The following MLXIP variants were observed in gnomAD, a reference collection of about 807,000 sequenced individuals.
The protein encoded by MLXIP is MLX-interacting protein.
MLXIP carries 30 observed loss-of-function variants against 87.2 expected under a neutral mutation model. The observed-to-expected ratio is 0.34, with a 90% CI of 0.26 to 0.47. The LOEUF (loss-of-function observed/expected upper bound fraction) is 0.47. Ranked by LOEUF, MLXIP falls within the 20% of genes least tolerant of loss-of-function variation. MLXIP has a pLI of 1.00. For synonymous variants in MLXIP, 530 were observed against 514.0 expected (o/e 1.03, Z -0.42); for missense variants, 1,002 against 1,240.1 (o/e 0.81, Z 2.88).
intron 1 of MLXIP, among the ~76,000 whole-genome samples, chr12:122,093,535 G>A (rs1213000615): frequency 1.4e-5 from 2 of 144,002 alleles, no homozygotes; most frequent in Non-Finnish European, 3.0e-5. Context: ...TGTGTGTGTT[G>A]GTTTGGGGGG....
intron 7 of MLXIP, 41 bp downstream of exon 7, chr12:122,130,974 C>A: frequency 7.7e-7 from 1 of 1,298,514 alleles, no homozygotes; most frequent in Non-Finnish European, 1.1e-6. Flanking sequence ...GCCTCCATCT[C>A]CCCCAGCCCA....
intron 1 of MLXIP, among the ~76,000 whole-genome samples, chr12:122,116,033 A>G (rs1016668969): frequency 2.0e-5 from 3 of 147,346 alleles, no homozygotes; most frequent in Non-Finnish European, 4.4e-5. Context: ...CCTGGGTGAC[A>G]GAGCGAGACT....
At chr12:122,108,024 G>A (rs1355355522) in intron 1 of MLXIP, among the ~76,000 whole-genome samples, 3 of 152,132 alleles carry the variant, frequency 2.0e-5, no homozygotes, top group Admixed American at 6.5e-5. Flanking sequence ...CCTGCGAAGG[G>A]CAGCCTGGCC....
In MLXIP at chr12:122,109,618, G is replaced by C. The variant is rs530337335; in HGVS notation, c.414-17638G>C. Among the ~76,000 whole-genome samples, 15 of 152,332 alleles carry C rather than the reference G, an allele frequency of 9.8e-5. No individual in the cohort carries two copies. In the East Asian group the frequency reaches 2.9e-3, roughly 29 times the overall value. ...GATGGGTTGGCTGAGGAGATTTGCA[G>C]CATGTCTGAAATACAAAAACTGTTT... On this transcript the variant is annotated intron_variant, in intron 1 of 16. Transcript: ENST00000319080.
chr12:122,097,255 C>G (rs765267041), intron 1 of MLXIP, among the ~76,000 whole-genome samples: 2 of 152,058 alleles, frequency 1.3e-5, no homozygotes, highest in Non-Finnish European at 2.9e-5. Flanking sequence ...AGCGTTGAAC[C>G]CCTGTGCTTA....
In MLXIP at chr12:122,133,736, A is replaced by C; in HGVS notation, c.1481A>C (p.His494Pro). The C allele has an allele frequency of 6.2e-7, 1 of 1,613,194 alleles. No homozygotes were observed. The highest frequency in any genetic ancestry group is 8.5e-7 in the Non-Finnish European group (1 of 1,179,746). The change falls in exon 9 of 17, where the codon CAC (histidine) becomes CCC (proline). Residue 494 changes from histidine to proline, a missense_variant. Physicochemically the swap from His to Pro is moderately conservative, Grantham distance 77 (BLOSUM62 -2). Transcript: ENST00000319080. This position sits in a 1 kb window ranked among gnomAD's most constrained non-coding sequence, Gnocchi z 4.9. The part of the protein sequence containing the change: ...ITHTASATLT[H>P]DAPATTFSQS... ...CACACGGCCTCTGCCACCCTCACCC[A>C]CGATGCCCCCGCCACCACCTTTAGC...
At chr12:122,128,785 C>A in intron 3 of MLXIP, 1 of 224,226 alleles carries the variant, frequency 4.5e-6, no homozygotes, top group Non-Finnish European at 8.9e-6. Flanking sequence ...GTGGCAGAGG[C>A]TGTGGGGAAG....
In MLXIP at chr12:122,133,131, A is replaced by C; in HGVS notation, c.1093-217A>C. On this transcript the variant is annotated intron_variant, in intron 8 of 16. Coordinates refer to ENST00000319080, the MANE Select transcript of MLXIP (RefSeq NM_014938.6). The surrounding 1 kb of genome is among the most constrained non-coding windows in gnomAD (Gnocchi z 4.9). ...TGTGTGAGGGCCGTTGCCTTATCTGAGCTCTGAGTTATTTAGTTTTTAATG... is the reference window on the plus strand; with the variant it reads ...TGTGTGAGGGCCGTTGCCTTATCTGCGCTCTGAGTTATTTAGTTTTTAATG... The C allele has an allele frequency of 2.1e-6, 1 of 485,990 alleles. No individual in the cohort carries two copies. Among genetic ancestry groups the C allele is most frequent in the Non-Finnish European group, 3.5e-6 (1 of 284,194 alleles). The allele number at this position is 485,990 out of a possible 1,614,324, so 30.1% of individuals were successfully genotyped here.
intron 1 of MLXIP, among the ~76,000 whole-genome samples, chr12:122,099,788 T>C (rs956084807): frequency 4.6e-5 from 7 of 152,148 alleles, no homozygotes; most frequent in African/African-American, 7.2e-5. Flanking sequence ...CCAAATATAT[T>C]TGTGGAAATC....
At chr12:122,130,800 T>C in intron 6 of MLXIP, 44 bp from the exon 7 acceptor site, 1 of 1,404,308 alleles carries the variant, frequency 7.1e-7, no homozygotes. Flanking sequence ...CCTGCAACAT[T>C]GTCTGAGAAG....
chr12:122,139,590 G>A (rs775005606), intron 15 of MLXIP, among the ~76,000 whole-genome samples: 2 of 152,238 alleles, frequency 1.3e-5, no homozygotes, highest in African/African-American at 2.4e-5. Context: ...CGGTCGTGCA[G>A]GAGGAGAGAA....
chr12:122,132,628 A>T, intron 8 of MLXIP: 1 of 502,050 alleles, frequency 2.0e-6, no homozygotes. Flanking sequence ...CAGGTAACCT[A>T]TGTGCAGCTA....
At chr12:122,096,540 TC>T (rs570243336) in intron 1 of MLXIP, among the ~76,000 whole-genome samples, 48 of 152,324 alleles carry the variant, frequency 3.2e-4, no homozygotes, top group South Asian at 2.1e-3. Context: ...TGTCCCACTG[TC>T]CCACCCTCCC....
At chr12:122,095,126 G>C (rs1319775517) in intron 1 of MLXIP, among the ~76,000 whole-genome samples, 2 of 148,138 alleles carry the variant, frequency 1.4e-5, no homozygotes, top group African/African-American at 5.0e-5. Flanking sequence ...GTGGGGTGTG[G>C]GTATGTGTGT....
Position 122,137,607 on chromosome 12 carries a change from C to G in MLXIP, c.2154+17C>G, listed in dbSNP as rs747349417. 4 of 1,612,362 alleles carry G rather than the reference C, an allele frequency of 2.5e-6. No individual in the cohort carries two copies. Among genetic ancestry groups the G allele is most frequent in the Non-Finnish European group, 2.5e-6 (3 of 1,178,982 alleles). On this transcript the variant is annotated intron_variant, in intron 12 of 16. Coordinates refer to ENST00000319080, the MANE Select transcript of MLXIP (RefSeq NM_014938.6). This position sits in a 1 kb window ranked among gnomAD's most constrained non-coding sequence, Gnocchi z 4.1. ...GCACTAAAGGTACCGCATGTCTCCT[C>G]TTGGTTCCCTTGGGAGGAGGGGAGA...
intron 1 of MLXIP, among the ~76,000 whole-genome samples, chr12:122,108,602 C>A (rs1952558193): frequency 6.6e-6 from 1 of 152,112 alleles, no homozygotes; most frequent in African/African-American, 2.4e-5. Flanking sequence ...TAAATGCACG[C>A]TGGCCCCCAA....
Position 122,135,201 on chromosome 12 carries a change from G to C in MLXIP, c.1733-23G>C. ...GGCCCTGTGGCCCAGGGCTGCACCT[G>C]AACATCCTCCTTATCCTGGCAGCTG... is the stretch of plus-strand genomic sequence containing the variant. On this transcript the variant is annotated intron_variant, in intron 9 of 16. Transcript: ENST00000319080. The surrounding 1 kb of genome is among the most constrained non-coding windows in gnomAD (Gnocchi z 5.3). 1 of 1,611,084 alleles carries C rather than the reference G, an allele frequency of 6.2e-7. No homozygotes were observed. Among genetic ancestry groups the C allele is most frequent in the Non-Finnish European group, 8.5e-7 (1 of 1,179,040 alleles).
Position 122,133,181 on chromosome 12 carries a change from A to C in MLXIP, c.1093-167A>C, listed in dbSNP as rs929933657. ...GGAAACAAGACCCCCGCAGACACGC[A>C]GGGAAACACAAATCCCTATCAGATC... On this transcript the variant is annotated intron_variant, in intron 8 of 16. Transcript: ENST00000319080. This position sits in a 1 kb window ranked among gnomAD's most constrained non-coding sequence, Gnocchi z 4.9. 56 of 688,620 alleles carry C rather than the reference A, an allele frequency of 8.1e-5. No individual in the cohort carries two copies. Among genetic ancestry groups the C allele is most frequent in the African/African-American group, 1.8e-5 (1 of 55,126 alleles). 42.7% of individuals were successfully genotyped at this position (688,620 alleles called of 1,614,324 possible). A position where few individuals can be genotyped will look rare whatever the true frequency, so the allele number is the denominator to read the frequency against.
At chr12:122,089,084 G>A (rs1423349736) in intron 1 of MLXIP, among the ~76,000 whole-genome samples, 1 of 151,948 alleles carries the variant, frequency 6.6e-6, no homozygotes, top group Non-Finnish European at 1.5e-5. Flanking sequence ...GGGGAGGCTG[G>A]GGCAAAAGGA....
Sources: allele counts gnomAD v4.1 joint callset (sites outside exome capture counted in the v4.1 genomes callset), GRCh38; gene constraint gnomAD v4.1.1; non-coding constraint Gnocchi (gnomAD v3.1); transcripts MANE v1.5; gene names NCBI Gene and HGNC (gene_info 2026-07-23, HGNC 2026-07-21).